The following GLS variants were observed in gnomAD, a reference collection of about 807,000 sequenced individuals.
GLS encodes glutaminase kidney isoform, mitochondrial.
In GLS, 36 loss-of-function variants were observed where a neutral mutation model predicts 86.7. The observed-to-expected ratio is 0.42, with a 90% confidence interval of 0.32 to 0.55. The LOEUF is 0.55. GLS is among the 20% of genes least tolerant of loss of function. The pLI is 0.17. For synonymous variants in GLS, 317 were observed against 305.9 expected (o/e 1.04, Z -0.38); for missense variants, 528 against 833.4 (o/e 0.63, Z 4.51).
chr2:190,932,979 T>TG (rs1184779074), intron 14 of GLS: 1 of 1,236,674 alleles, frequency 8.1e-7, no homozygotes, highest in East Asian at 3.2e-5. Flanking sequence ...TCTTGGGTGC[T>TG]GGAGCCATAA....
At chr2:190,889,381 C>CT (rs1688493230) in intron 1 of GLS, among the ~76,000 whole-genome samples, 1 of 152,156 alleles carries the variant, frequency 6.6e-6, no homozygotes, top group Non-Finnish European at 1.5e-5. Context: ...TCATCTCTAC[C>CT]TGAATACTGC....
intron 12 of GLS, among the ~76,000 whole-genome samples, chr2:190,929,939 C>T (rs1362211031): frequency 6.6e-6 from 1 of 151,748 alleles, no homozygotes; most frequent in Non-Finnish European, 1.5e-5. Context: ...TCTCTGCCTC[C>T]CGGGTTCACC....
chr2:190,924,453 C>T lies in GLS; in HGVS notation c.1198-90C>T, dbSNP rs1689837194. The T allele has an allele frequency of 4.0e-6, 3 of 749,466 alleles. No homozygotes were observed. The highest frequency in any genetic ancestry group is 4.8e-6 in the Non-Finnish European group (2 of 412,508). 46.4% of individuals were successfully genotyped at this position (749,466 alleles called of 1,614,324 possible). On this transcript the variant is annotated intron_variant, in intron 10 of 17. Transcript: ENST00000320717. This position sits in a 1 kb window ranked among gnomAD's most constrained non-coding sequence, Gnocchi z 5.2. ...CTATTTTATTAATTAAAATGAAACA[C>T]TTGTGTACATTTGAAATTTTTCATA...
intron 12 of GLS, 94 bp downstream of exon 12, chr2:190,927,576 A>G: frequency 3.5e-6 from 3 of 857,022 alleles, no homozygotes; most frequent in Middle Eastern, 2.8e-4. Flanking sequence ...CTAAAGCTGT[A>G]TATTAATTTT....
At chr2:190,885,511 A>G (rs1688349322) in intron 1 of GLS, among the ~76,000 whole-genome samples, 1 of 152,202 alleles carries the variant, frequency 6.6e-6, no homozygotes, top group South Asian at 2.1e-4. Flanking sequence ...TTTCAAAGTA[A>G]GATGAAATGC....
At chr2:190,901,379 A>G (rs1300896479) in intron 4 of GLS, among the ~76,000 whole-genome samples, 1 of 152,010 alleles carries the variant, frequency 6.6e-6, no homozygotes, top group Non-Finnish European at 1.5e-5. Context: ...TCACCATGAA[A>G]GTTTTCATTG....
At chr2:190,915,551 C>T (rs1239569832) in intron 7 of GLS, among the ~76,000 whole-genome samples, 4 of 152,110 alleles carry the variant, frequency 2.6e-5, no homozygotes, top group African/African-American at 7.2e-5. Flanking sequence ...CTTTGGATTC[C>T]ATACTTGGAA....
chr2:190,936,843 T>C (rs1420489827), intron 14 of GLS, among the ~76,000 whole-genome samples: 1 of 151,358 alleles, frequency 6.6e-6, no homozygotes, highest in Non-Finnish European at 1.5e-5. Flanking sequence ...TTTAAGAATC[T>C]GTTTTACTAT....
chr2:190,912,427 C>T (rs1446604169), intron 7 of GLS, among the ~76,000 whole-genome samples: 1 of 149,194 alleles, frequency 6.7e-6, no homozygotes, highest in Non-Finnish European at 1.5e-5. Flanking sequence ...AATTGAATGC[C>T]CCAGAATATG....
intron 7 of GLS, among the ~76,000 whole-genome samples, chr2:190,918,274 A>G (rs1178501723): frequency 6.6e-6 from 1 of 152,184 alleles, no homozygotes; most frequent in Non-Finnish European, 1.5e-5. Context: ...GAAGTTAGGT[A>G]GATCTTCTGG....
At chr2:190,917,296 T>C (rs1018207802) in intron 7 of GLS, among the ~76,000 whole-genome samples, 3 of 152,226 alleles carry the variant, frequency 2.0e-5, no homozygotes, top group Non-Finnish European at 4.4e-5. Flanking sequence ...AGTTCACTCA[T>C]GAGAAGCAAC....
At chr2:190,902,603 G>A (rs935826534) in intron 5 of GLS, among the ~76,000 whole-genome samples, 37 of 152,084 alleles carry the variant, frequency 2.4e-4, no homozygotes, top group African/African-American at 8.0e-4. Context: ...GTGATGTGAG[G>A]GCGCTTTAGA....
Position 190,905,304 on chromosome 2 carries a change from C to T in GLS, c.979+137C>T. 1 of 591,978 alleles carries T rather than the reference C, an allele frequency of 1.7e-6. No homozygotes were observed. The highest frequency in any genetic ancestry group is 2.9e-6 in the Non-Finnish European group (1 of 341,546). 36.7% of individuals were successfully genotyped at this position (591,978 alleles called of 1,614,324 possible). A position where few individuals can be genotyped will look rare whatever the true frequency, so the allele number is the denominator to read the frequency against. ...TCTATATAATCCATTGAGAGAGTTT[C>T]ATCACCTACTTTTAAAAATGATTAT... On this transcript the variant is annotated intron_variant, in intron 6 of 17. Transcript: ENST00000320717. This position sits in a 1 kb window ranked among gnomAD's most constrained non-coding sequence, Gnocchi z 4.6.
chr2:190,905,185 AT>A lies in GLS; in HGVS notation c.979+20del. 6.8e-7 allele frequency: 1 copy of A among 1,464,016 alleles called. No individual in the cohort carries two copies. Among genetic ancestry groups the A allele is most frequent in the Non-Finnish European group, 9.4e-7 (1 of 1,059,642 alleles). The allele number at this position is 1,464,016 out of a possible 1,614,324, so 90.7% of individuals were successfully genotyped here. The stretch of plus-strand genomic sequence containing the variant: ...TGAAGATGGTAAGAATTACATAAAC[AT>A]TGGTTGAAAAAAGAAATGTCTCATT... On this transcript the variant is annotated intron_variant, in intron 6 of 17. Coordinates refer to ENST00000320717, the MANE Select transcript of GLS (RefSeq NM_014905.5). This position sits in a 1 kb window ranked among gnomAD's most constrained non-coding sequence, Gnocchi z 4.6.
rs143650693 is a variant in GLS at position 190,886,439 on chromosome 2, A to G, written c.386+4969A>G. Among the ~76,000 whole-genome samples the G allele has an allele frequency of 3.0e-3, 458 of 152,278 alleles. 8 individuals are homozygous for G. The highest frequency in any genetic ancestry group is 0.01 in the African/African-American group (425 of 41,528). ...ACCTTACTCTTTTATAGAGAAGTCT[A>G]CCTACCTCAAAGTCAGCTAATCCAT... On this transcript the variant is annotated intron_variant, in intron 1 of 17. Transcript: ENST00000320717.
Position 190,880,898 on chromosome 2 carries a change from CAGCAGCAGCAGCAGCAG to C in GLS, c.-186_-170del. ...GCAGCAGCAGCAGCAGCAGCAGCAG[CAGCAGCAGCAGCAGCAG>C]CAGCACCCGCATCCGCTGCGGGAGT... On this transcript the variant is annotated 5_prime_UTR_variant, in exon 1 of 18. Transcript: ENST00000320717. 1.2e-6 allele frequency: 1 copy of C among 860,824 alleles called. No individual in the cohort carries two copies. The highest frequency in any genetic ancestry group is 1.8e-6 in the Non-Finnish European group (1 of 556,188). The allele number at this position is 860,824 out of a possible 1,614,324, so 53.3% of individuals were successfully genotyped here.
chr2:190,942,107 T>G (rs933648166), intron 14 of GLS, among the ~76,000 whole-genome samples: 3 of 108,618 alleles, frequency 2.8e-5, no homozygotes, highest in Non-Finnish European at 3.8e-5. Context: ...TGAGACGGAG[T>G]CTTGCTCTGT....
At chr2:190,959,440 T>C (rs1247541859) in intron 17 of GLS, among the ~76,000 whole-genome samples, 2 of 152,212 alleles carry the variant, frequency 1.3e-5, no homozygotes, top group Non-Finnish European at 1.5e-5. Flanking sequence ...AATATTGTTA[T>C]GTGTGAATTT....
In GLS at chr2:190,954,103, T is replaced by G. The variant is rs1690796497; in HGVS notation, c.1712+477T>G. Among the ~76,000 whole-genome samples, 1 of 151,828 alleles carries G rather than the reference T, an allele frequency of 6.6e-6. No homozygotes were observed. The highest frequency in any genetic ancestry group is 2.4e-5 in the African/African-American group (1 of 41,318). ...TAGAGTTGTAACTTATTTTCTTTTT[T>G]TTTTCTCCCATTAATACCTCAAATA... On this transcript the variant is annotated intron_variant, in intron 15 of 17. Coordinates refer to ENST00000320717, the MANE Select transcript of GLS (RefSeq NM_014905.5). This position sits in a 1 kb window ranked among gnomAD's most constrained non-coding sequence, Gnocchi z 4.0.
Sources: gnomAD v4.1 joint callset for allele counts (sites outside exome capture counted in the v4.1 genomes callset) on GRCh38, gnomAD v4.1.1 for gene constraint, Gnocchi (gnomAD v3.1) non-coding constraint, MANE v1.5 for transcripts, NCBI Gene and HGNC (gene_info 2026-07-23, HGNC 2026-07-21) for gene names.